Variants in ZNF385D observed in about 807,000 individuals in gnomAD.
ZNF385D encodes zinc finger protein 385D, also known as zinc finger protein 659.
A neutral mutation model predicts 35.8 loss-of-function variants in ZNF385D; 15 were observed. The observed-to-expected ratio is 0.42, with a 90% CI of 0.28 to 0.64. The LOEUF (loss-of-function observed/expected upper bound fraction) is 0.64. Among genes scored for constraint, ZNF385D ranks in the 30% least tolerant of loss-of-function variants. The pLI, the probability that ZNF385D is intolerant of heterozygous loss-of-function variation, is 0.23. For missense variants in ZNF385D, 474 were observed against 494.6 expected (o/e 0.96, Z 0.39); for synonymous variants, 212 against 186.8 (o/e 1.13, Z -1.10).
intron 2 of ZNF385D, chr3:21,579,795 G>A (rs2063600303): frequency 6.0e-5 from 1 of 16,536 alleles, no homozygotes; most frequent in Non-Finnish European, 1.4e-4. Context: ...GGTGCCCTTT[G>A]TCTCATAGGT....
intron 3 of ZNF385D, among the ~76,000 whole-genome samples, chr3:22,124,958 G>C (rs926364862): frequency 6.6e-6 from 1 of 152,104 alleles, no homozygotes; most frequent in African/African-American, 2.4e-5. Flanking sequence ...TTGGTTGCCT[G>C]TGCTTGTGGG....
chr3:21,792,816 T>C (rs1338745821), intron 3 of ZNF385D, among the ~76,000 whole-genome samples: 1 of 152,234 alleles, frequency 6.6e-6, no homozygotes, highest in Non-Finnish European at 1.5e-5. Context: ...CATCCAGCTA[T>C]TTTGTGCCAA....
chr3:21,432,127 G>T (rs553667159), intron 5 of ZNF385D, among the ~76,000 whole-genome samples: 176 of 152,188 alleles, frequency 1.2e-3, no homozygotes, highest in Non-Finnish European at 2.1e-3. Flanking sequence ...TTAGCTGTGT[G>T]AGCTTAGGTT....
In ZNF385D at chr3:22,030,120, ATGCTTCC is replaced by A. The variant is rs1279510809; in HGVS notation, c.325+138690_325+138696del. Reference sequence around the variant, plus strand: ...AGTCTATATCTTTCTCCCATGCTCAATGCTTCCTGCTCTTGAACATCAGACTCCAAGT... The same window carrying A: ...AGTCTATATCTTTCTCCCATGCTCAATGCTCTTGAACATCAGACTCCAAGT... On this transcript the variant is annotated intron_variant, in intron 3 of 5. Transcript: ENST00000494108. Among the ~76,000 whole-genome samples the A allele has an allele frequency of 6.0e-5, 9 of 150,970 alleles. 1 individual carries two copies.
intron 3 of ZNF385D, among the ~76,000 whole-genome samples, chr3:22,124,008 T>A (rs1703278212): frequency 7.0e-6 from 1 of 142,612 alleles, no homozygotes; most frequent in African/African-American, 2.6e-5. Context: ...GAACTCATCC[T>A]GTTGTGCAAG....
At chr3:22,275,480 T>C (rs548939535) in intron 2 of ZNF385D, among the ~76,000 whole-genome samples, 67 of 133,194 alleles carry the variant, frequency 5.0e-4, no homozygotes, top group African/African-American at 1.6e-3. Flanking sequence ...TAGGGTGCTT[T>C]TAAGACACTT....
chr3:22,286,767 T>C (rs1702045620), intron 2 of ZNF385D, among the ~76,000 whole-genome samples: 1 of 152,132 alleles, frequency 6.6e-6, no homozygotes, highest in Admixed American at 6.6e-5. Flanking sequence ...CACAAAGAAA[T>C]ATGTTGAGAC....
rs141700097 is a variant in ZNF385D, at chr3:21,575,563, T to G, written c.166-10879A>C. ...TAAGTCATTTGCACTTCCTCTAACT[T>G]GAAAACTCTTTTTCCCTGTGCTTTT... On this transcript the variant is annotated intron_variant, in intron 2 of 7. Transcript: ENST00000281523. Among the ~76,000 whole-genome samples, 103 of 152,286 alleles carry G rather than the reference T, an allele frequency of 6.8e-4. 1 individual carries two copies. The highest frequency in any genetic ancestry group is 3.4e-3 in the Middle Eastern group (1 of 294).
chr3:22,131,112 T>G (rs937481872), intron 3 of ZNF385D, among the ~76,000 whole-genome samples: 3 of 152,120 alleles, frequency 2.0e-5, no homozygotes, highest in South Asian at 4.2e-4. Context: ...TTGGATAAAA[T>G]GTATAAGATA....
chr3:21,867,086 C>T (rs1697405862), intron 3 of ZNF385D, among the ~76,000 whole-genome samples: 1 of 152,054 alleles, frequency 6.6e-6, no homozygotes, highest in South Asian at 2.1e-4. Context: ...GATACGGTGT[C>T]TAGTGAGGGC....
intron 1 of ZNF385D, among the ~76,000 whole-genome samples, chr3:21,673,689 T>C: frequency 6.6e-6 from 1 of 152,092 alleles, no homozygotes; most frequent in Middle Eastern, 3.2e-3. Context: ...ACCAAATTTT[T>C]AAAAAGTTAA....
At chr3:21,743,950 T>C (rs2069640171) in intron 1 of ZNF385D, among the ~76,000 whole-genome samples, 1 of 152,226 alleles carries the variant, frequency 6.6e-6, no homozygotes, top group Admixed American at 6.5e-5. Context: ...GGATCCCAAT[T>C]ATTTGACTCA....
intron 2 of ZNF385D, among the ~76,000 whole-genome samples, chr3:22,196,267 C>G (rs940051436): frequency 6.6e-6 from 1 of 152,040 alleles, no homozygotes; most frequent in East Asian, 1.9e-4. Context: ...TATCTGCATT[C>G]TTATTGCTAT....
intron 1 of ZNF385D, among the ~76,000 whole-genome samples, chr3:21,683,381 G>A (rs2066977884): frequency 6.7e-6 from 1 of 149,834 alleles, no homozygotes; most frequent in South Asian, 2.1e-4. Flanking sequence ...CACTTTGGGA[G>A]GCCGAGTTGG....
At chr3:22,099,874 A>C (rs1421487887) in intron 3 of ZNF385D, among the ~76,000 whole-genome samples, 6 of 151,624 alleles carry the variant, frequency 4.0e-5, no homozygotes, top group Non-Finnish European at 8.8e-5. Context: ...AATGTATAGA[A>C]TATTAGGCCA....
At position 21,935,512 on chromosome 3, in the gene ZNF385D, A is replaced by C. The variant is rs147229948; in HGVS notation, c.325+233305T>G. ...TAGTTAAGTCACATGCTACAGCCTC[A>C]AAACCTGCTGGTTCTTTCAATCCTG... is the stretch of plus-strand genomic sequence containing the variant. On this transcript the variant is annotated intron_variant, in intron 3 of 5. Coordinates refer to the ZNF385D transcript ENST00000494108. Among the ~76,000 whole-genome samples the C allele has an allele frequency of 7.1e-3, 1,085 of 152,270 alleles. 11 individuals carry two copies. The highest frequency in any genetic ancestry group is 0.023 in the African/African-American group (936 of 41,572).
chr3:22,288,306 A>G (rs1702129527), intron 2 of ZNF385D, among the ~76,000 whole-genome samples: 1 of 152,034 alleles, frequency 6.6e-6, no homozygotes, highest in Non-Finnish European at 1.5e-5. Flanking sequence ...CTTGGCAAGT[A>G]TTATGCCATT....
chr3:21,940,350 G>A (rs1225470516), intron 3 of ZNF385D, among the ~76,000 whole-genome samples: 1 of 152,158 alleles, frequency 6.6e-6, no homozygotes, highest in African/African-American at 2.4e-5. Flanking sequence ...TACTCCCCAT[G>A]TATCTCACGT....
In ZNF385D at chr3:21,415,514, T is replaced by C. The variant is rs1467125864; in HGVS notation, c.*5700A>G. 6.6e-6 allele frequency: 1 copy of C among 152,122 alleles called. No individual in the cohort carries two copies. 9.4% of individuals were successfully genotyped at this position (152,122 alleles called of 1,614,324 possible). A position where few individuals can be genotyped will look rare whatever the true frequency, so the allele number is the denominator to read the frequency against. ...TCCTTTTGTTAAAGTAAAACCAACC[T>C]AATCATTGAAAATAAAATGATTTTA... On this transcript the variant is annotated 3_prime_UTR_variant, in exon 8 of 8. Coordinates refer to ENST00000281523, the MANE Select transcript of ZNF385D (RefSeq NM_024697.3).
Sources: allele counts gnomAD v4.1 joint callset (sites outside exome capture counted in the v4.1 genomes callset), GRCh38; gene constraint gnomAD v4.1.1; transcripts MANE v1.5; gene names NCBI Gene and HGNC (gene_info 2026-07-23, HGNC 2026-07-21).